CFAP410: variants seen among roughly 807,000 people sequenced by gnomAD.
CFAP410 encodes cilia and flagella associated protein 410.
CFAP410 carries 27 observed loss-of-function variants against 25.7 expected under a neutral mutation model. The ratio of observed to expected loss-of-function variants is 1.05; its 90% CI spans 0.77 to 1.45. The LOEUF (loss-of-function observed/expected upper bound fraction) is 1.45, where lower values mean the gene tolerates loss of function less well. CFAP410 is among the 40% of genes most tolerant of loss of function. The pLI, the probability that CFAP410 is intolerant of heterozygous loss-of-function variation, is 0.00. For missense variants in CFAP410, 428 were observed against 354.1 expected, an observed-to-expected ratio of 1.21 and a Z score of -1.67; for synonymous variants, 178 against 158.4, an observed-to-expected ratio of 1.12 and a Z score of -0.93.
At chr21:44,337,610 TG>T (rs1177342081) in intron 2 of CFAP410, 38 bp downstream of exon 2, 2 of 1,591,746 alleles carry the variant, frequency 1.3e-6, no homozygotes, top group Non-Finnish European at 1.7e-6. Flanking sequence ...TATTTGGAGA[TG>T]ATCAGTGCAA....
chr21:44,330,678 TG>T (rs1568984590), intron 6 of CFAP410, 144 bp downstream of exon 6: 4 of 1,548,342 alleles, frequency 2.6e-6, no homozygotes, highest in Middle Eastern at 3.4e-4. Context: ...CAGCTCCCCC[TG>T]GGGCACAGCT....
intron 2 of CFAP410, among the ~76,000 whole-genome samples, chr21:44,336,039 AGCC>A (rs2047748843): frequency 2.5e-5 from 2 of 80,362 alleles, no homozygotes; most frequent in Non-Finnish European, 5.5e-5. Context: ...GGCCCTGCTC[AGCC>A]AGTGTGCCCA....
At chr21:44,339,075 C>A (rs1425716926) in intron 1 of CFAP410, 43 bp downstream of exon 1, 2 of 1,280,786 alleles carry the variant, frequency 1.6e-6, no homozygotes, top group African/African-American at 1.6e-5. Flanking sequence ...CGCCCCGGCT[C>A]CTCCCCCCAC....
intron 5 of CFAP410, 29 bp downstream of exon 5, chr21:44,331,814 G>T (rs1354265036): frequency 6.2e-7 from 1 of 1,601,710 alleles, no homozygotes; most frequent in Admixed American, 1.7e-5. Context: ...GGGATGGGCT[G>T]CGGAGTCCCC....
chr21:44,330,536 C>T, intron 6 of CFAP410: 1 of 1,548,810 alleles, frequency 6.5e-7, no homozygotes, highest in African/African-American at 1.4e-5. Context: ...CACGTGACTC[C>T]TGTTGCCCTC....
rs1047453932 is a variant in CFAP410 at position 44,329,701 on chromosome 21, A to T, written c.*497T>A. 1.3e-5 allele frequency: 2 copies of T among 153,748 alleles called. No individual in the cohort carries two copies. The highest frequency in any genetic ancestry group is 4.8e-5 in the African/African-American group (2 of 41,494). 9.5% of individuals were successfully genotyped at this position (153,748 alleles called of 1,614,324 possible). A position where few individuals can be genotyped will look rare whatever the true frequency, so the allele number is the denominator to read the frequency against. ...GGAGGCTGCTGCCTGCCTGCTGAGCAGCTCAGGGCAGATGTCGCTATGGGT... is the reference window on the plus strand; with the variant it reads ...GGAGGCTGCTGCCTGCCTGCTGAGCTGCTCAGGGCAGATGTCGCTATGGGT... On this transcript the variant is annotated 3_prime_UTR_variant, in exon 7 of 7. Coordinates refer to ENST00000339818, the MANE Select transcript of CFAP410 (RefSeq NM_004928.3).
chr21:44,339,056 C>CCCTCGCCCCGCCCCGGCT (rs2047816639), intron 1 of CFAP410, 62 bp downstream of exon 1: 53 of 1,041,548 alleles, frequency 5.1e-5, no homozygotes, highest in South Asian at 6.5e-5. Context: ...TCCGGCTCCG[C>CCCTCGCCCCGCCCCGGCT]CCTCGCCCCG....
chr21:44,338,255 C>T, intron 1 of CFAP410: 1 of 1,281,340 alleles, frequency 7.8e-7, no homozygotes, highest in Non-Finnish European at 1.0e-6. Context: ...TGCGGACACC[C>T]CTGGGAGGAA....
chr21:44,331,022 A>C, intron 5 of CFAP410, 103 bp from the exon 6 acceptor site: 1 of 1,073,050 alleles, frequency 9.3e-7, no homozygotes, highest in Non-Finnish European at 1.3e-6. Context: ...GGAGGGGCTC[A>C]TACAAATCCC....
rs2047595055 is a variant in CFAP410, at chr21:44,329,251, T to TCCGGTGGTCACG, written c.*946_*947insCGTGACCACCGG. 1 of 152,374 alleles carries TCCGGTGGTCACG rather than the reference T, an allele frequency of 6.6e-6. No individual in the cohort carries two copies. The highest frequency in any genetic ancestry group is 2.4e-5 in the African/African-American group (1 of 41,562). 9.4% of individuals were successfully genotyped at this position (152,374 alleles called of 1,614,324 possible). A position where few individuals can be genotyped will look rare whatever the true frequency, so the allele number is the denominator to read the frequency against. The stretch of plus-strand genomic sequence containing the variant: ...AGCGGCCTGCACACACGGTCACGCA[T>TCCGGTGGTCACG]CACCGCTCGGCGGAGGATGGGAATA... On this transcript the variant is annotated 3_prime_UTR_variant, in exon 7 of 7. Coordinates refer to ENST00000339818, the MANE Select transcript of CFAP410 (RefSeq NM_004928.3).
intron 4 of CFAP410, 66 bp from the exon 5 acceptor site, chr21:44,332,080 G>T: frequency 7.4e-7 from 1 of 1,359,546 alleles, no homozygotes; most frequent in Non-Finnish European, 1.0e-6. Context: ...ATGCACTGCA[G>T]CTCCCGTCCT....
Position 44,330,887 on chromosome 21 carries a change from G to A in CFAP410, c.578C>T (p.Pro193Leu), listed in dbSNP as rs112436478. The change falls in exon 6 of 7, where the codon CCG (proline) becomes CTG (leucine). Residue 193 changes from proline (P) to leucine (L), a missense_variant. Physicochemically the swap from Pro to Leu is moderately conservative, Grantham distance 98. Transcript: ENST00000339818. ...SGAQDERGLK[P>L]PSRGQFPSLS... Reference sequence around the variant, plus strand: ...GGAAGGAAACTGGCCCCGGGAAGGCGGCTTCAGGCCACGTTCATCCTGGGC... The same window carrying A: ...GGAAGGAAACTGGCCCCGGGAAGGCAGCTTCAGGCCACGTTCATCCTGGGC... 4.6e-5 allele frequency: 73 copies of A among 1,603,166 alleles called. 1 individual carries two copies. The highest frequency in any genetic ancestry group is 1.3e-4 in the African/African-American group (10 of 74,890).
Position 44,333,219 on chromosome 21 carries a change from G to T in CFAP410, c.187C>A (p.Arg63Ser). 1.2e-6 allele frequency: 2 copies of T among 1,612,796 alleles called. No individual in the cohort carries two copies. The highest frequency in any genetic ancestry group is 1.7e-6 in the Non-Finnish European group (2 of 1,179,880). The change falls in exon 4 of 7, where the codon CGC (arginine) becomes AGC (serine). Residue 63 changes from arginine (R) to serine (S), a missense_variant. Physicochemically the swap from Arg to Ser is moderately radical, Grantham distance 110 (BLOSUM62 -1). Coordinates refer to ENST00000339818, the MANE Select transcript of CFAP410 (RefSeq NM_004928.3). ...CTCCGCAGGTACAGCTCACTCAGGC[G>T]CTGGCACCGGCTCACAGGCTCCAGG... ...STLEPVSRCQRLSELYLRRNR... is the reference protein window; with the variant it reads ...STLEPVSRCQSLSELYLRRNR...
chr21:44,333,280 C>T lies in CFAP410; in HGVS notation c.144-18G>A, dbSNP rs781390226. 1 of 1,595,020 alleles carries T rather than the reference C, an allele frequency of 6.3e-7. No homozygotes were observed. Among genetic ancestry groups the T allele is most frequent in the Admixed American group, 1.7e-5 (1 of 58,452 alleles). On this transcript the variant is annotated intron_variant, in intron 3 of 6. Transcript: ENST00000339818. Reference sequence around the variant, plus strand: ...TGTTGACACTGCACGGAGACCAGCACAGTCAGCGAGGGACGTGGCCAGGGC... The same window carrying T: ...TGTTGACACTGCACGGAGACCAGCATAGTCAGCGAGGGACGTGGCCAGGGC...
intron 3 of CFAP410, chr21:44,333,831 G>A (rs757773523): frequency 5.7e-5 from 20 of 350,108 alleles, no homozygotes; most frequent in Middle Eastern, 1.0e-3. Flanking sequence ...CGTGGGGTCC[G>A]TCCCCTCCAC....
chr21:44,333,145 C>A lies in CFAP410; in HGVS notation c.261G>T (p.Pro87=). Reference sequence around the variant, plus strand: ...CGGCCAGCCACAGCACCCGCAGACGCGGCAGCCCCTTCAGGTAGAAGAGCT... The same window carrying A: ...CGGCCAGCCACAGCACCCGCAGACGAGGCAGCCCCTTCAGGTAGAAGAGCT... ...LAELFYLKGL[P]RLRVLWLAEN... is the part of the protein sequence containing the mutation. Residue 87 remains proline, a synonymous_variant, in exon 4 of 7, where the codon CCG becomes CCT. Coordinates refer to ENST00000339818, the MANE Select transcript of CFAP410 (RefSeq NM_004928.3). The A allele has an allele frequency of 6.2e-7, 1 of 1,612,306 alleles. No homozygotes were observed. Among genetic ancestry groups the A allele is most frequent in the African/African-American group, 1.3e-5 (1 of 75,044 alleles).
At position 44,333,268 on chromosome 21, in the gene CFAP410, C is replaced by G. The variant is rs752698486; in HGVS notation, c.144-6G>C. Reference sequence around the variant, plus strand: ...GGGTGGAGATGCTGTTGACACTGCACGGAGACCAGCACAGTCAGCGAGGGA... The same window carrying G: ...GGGTGGAGATGCTGTTGACACTGCAGGGAGACCAGCACAGTCAGCGAGGGA... On this transcript the variant is annotated splice_polypyrimidine_tract_variant and splice_region_variant and intron_variant, in intron 3 of 6. Transcript: ENST00000339818. 1.2e-6 allele frequency: 2 copies of G among 1,605,686 alleles called. No individual in the cohort carries two copies. Among genetic ancestry groups the G allele is most frequent in the Non-Finnish European group, 1.7e-6 (2 of 1,176,014 alleles).
chr21:44,330,289 A>T lies in CFAP410; in HGVS notation c.680T>A (p.Leu227Gln). The change falls in exon 7 of 7, where the codon CTG becomes CAG. Residue 227 changes from leucine to glutamine, a missense_variant. By Grantham distance (113) the Leu-to-Gln change is moderately radical. Transcript: ENST00000339818. ...LTAILLLLRELDAEGLEAVQQ... is the reference protein window; with the variant it reads ...LTAILLLLREQDAEGLEAVQQ... ...CACGGCCTCCAGCCCCTCTGCATCC[A>T]GCTCCCGCAGCAGCAGCAGGATGGC... 1 of 1,610,188 alleles carries T rather than the reference A, an allele frequency of 6.2e-7. No individual in the cohort carries two copies. The highest frequency in any genetic ancestry group is 1.7e-4 in the Middle Eastern group (1 of 6,054).
At position 44,333,065 on chromosome 21, in the gene CFAP410, G is replaced by T. The variant is rs1414056952; in HGVS notation, c.341C>A (p.Thr114Asn). ...GTCCAGCTTCTGTAGGCGCGGCAGG[G>T]TGCGCAGCACGGTCATGCGGTAGCG... Reference protein sequence around the residue: ...PHRYRMTVLRTLPRLQKLDNQ... With the variant: ...PHRYRMTVLRNLPRLQKLDNQ... Residue 114 changes from threonine to asparagine, a missense_variant, in exon 4 of 7, where the codon ACC becomes AAC. By Grantham distance (65) the Thr-to-Asn change is moderately conservative (BLOSUM62 0). Transcript: ENST00000339818. 1 of 1,603,396 alleles carries T rather than the reference G, an allele frequency of 6.2e-7. No individual in the cohort carries two copies. Among genetic ancestry groups the T allele is most frequent in the East Asian group, 2.2e-5 (1 of 44,532 alleles).
Sources: gnomAD v4.1 joint callset for allele counts (sites outside exome capture counted in the v4.1 genomes callset) on GRCh38, gnomAD v4.1.1 for gene constraint, MANE v1.5 for transcripts, NCBI Gene and HGNC (gene_info 2026-07-23, HGNC 2026-07-21) for gene names.